Variants in NXPE3 observed in about 807,000 individuals in gnomAD.
The protein encoded by NXPE3 is neurexophilin and PC-esterase domain family member 3.
NXPE3 carries 26 observed loss-of-function variants against 46.1 expected under a neutral mutation model. The observed-to-expected ratio is 0.56, with a 90% CI of 0.41 to 0.78. The LOEUF (loss-of-function observed/expected upper bound fraction) is 0.78. Among genes scored for constraint, NXPE3 ranks in the 30% least tolerant of loss-of-function variants. NXPE3 has a pLI of 0.00. For synonymous variants in NXPE3, 272 were observed against 257.9 expected (o/e 1.05, Z -0.52); for missense variants, 620 against 686.0 (o/e 0.90, Z 1.07).
At position 101,801,492 on chromosome 3, in the gene NXPE3, T is replaced by G; in HGVS notation, c.351T>G (p.Phe117Leu). The G allele has an allele frequency of 6.2e-7, 1 of 1,614,152 alleles. No individual in the cohort carries two copies. Residue 117 changes from phenylalanine to leucine, a missense_variant, in exon 5 of 8, where the codon TTT becomes TTG. This residue lies in a region of NXPE3 where 511 missense variants were observed against 528.6 expected (regional missense o/e 0.97). Coordinates refer to ENST00000273347, the MANE Select transcript of NXPE3 (RefSeq NM_145037.4). ...YFVILNSAAF[F>L]KVGSQLEVLV... is the part of the protein sequence containing the mutation. ...TCATCTTGAACTCTGCTGCCTTCTT[T>G]AAGGTGGGAAGCCAGCTTGAGGTGC...
Position 101,822,122 on chromosome 3 carries a change from A to G in NXPE3, c.*168A>G, listed in dbSNP as rs781045916. 4 of 612,446 alleles carry G rather than the reference A, an allele frequency of 6.5e-6. No individual in the cohort carries two copies. The Admixed American group carries it at 8.9e-5, about 14-fold the overall frequency. The allele number at this position is 612,446 out of a possible 1,614,324, so 37.9% of individuals were successfully genotyped here. On this transcript the variant is annotated 3_prime_UTR_variant, in exon 8 of 8. Coordinates refer to ENST00000273347, the MANE Select transcript of NXPE3 (RefSeq NM_145037.4). ...AAGGAGCTTAGAAAATGCAGGTTAC[A>G]TTTATATCTACCTATAGGATTTTAT... is the stretch of plus-strand genomic sequence containing the variant.
At chr3:101,820,574 A>C (rs1343129460) in intron 7 of NXPE3, among the ~76,000 whole-genome samples, 1 of 152,216 alleles carries the variant, frequency 6.6e-6, no homozygotes, top group African/African-American at 2.4e-5. Flanking sequence ...GACACATGCA[A>C]GGAAATGTTC....
chr3:101,810,721 G>A (rs560115196), intron 6 of NXPE3, among the ~76,000 whole-genome samples: 4 of 152,230 alleles, frequency 2.6e-5, no homozygotes, highest in African/African-American at 9.6e-5. Flanking sequence ...CTAGTAGCTG[G>A]AGAGCATCTC....
chr3:101,807,561 C>A (rs1024461393), intron 6 of NXPE3, among the ~76,000 whole-genome samples: 2 of 151,892 alleles, frequency 1.3e-5, no homozygotes, highest in Non-Finnish European at 2.9e-5. Context: ...TGAGCTCAAG[C>A]AATCCTCCCA....
chr3:101,818,738 TATATATATA>T (rs1942090272), intron 7 of NXPE3, among the ~76,000 whole-genome samples: 2 of 32,710 alleles, frequency 6.1e-5, no homozygotes, highest in African/African-American at 2.2e-4. Flanking sequence ...TATATATATA[TATATATATA>T]TATATATTTT....
intron 4 of NXPE3, among the ~76,000 whole-genome samples, chr3:101,789,523 G>GC (rs1195715656): frequency 2.6e-5 from 4 of 152,050 alleles, no homozygotes; most frequent in Non-Finnish European, 5.9e-5. Flanking sequence ...TTCAGCTTGG[G>GC]CAGCAGGGTG....
At chr3:101,783,226 TA>T (rs1289055478) in intron 3 of NXPE3, among the ~76,000 whole-genome samples, 1 of 152,114 alleles carries the variant, frequency 6.6e-6, no homozygotes, top group East Asian at 1.9e-4. Context: ...CACGCCCAGC[TA>T]ATTTGTTGTA....
intron 6 of NXPE3, among the ~76,000 whole-genome samples, chr3:101,812,207 T>C (rs1029845196): frequency 6.6e-6 from 1 of 152,232 alleles, no homozygotes; most frequent in Non-Finnish European, 1.5e-5. Flanking sequence ...AAAGCTATTT[T>C]ATTTTTAAAA....
chr3:101,792,049 C>G (rs558161560), intron 4 of NXPE3, among the ~76,000 whole-genome samples: 42 of 151,712 alleles, frequency 2.8e-4, no homozygotes, highest in African/African-American at 9.7e-4. Context: ...ATATTGAGCT[C>G]TTTGGCCGCA....
intron 3 of NXPE3, 98 bp from the exon 4 acceptor site, chr3:101,785,304 T>G: frequency 3.7e-6 from 1 of 266,692 alleles, no homozygotes; most frequent in East Asian, 7.7e-5. Flanking sequence ...ACTTTGGGCC[T>G]TAGATAAGGT....
In NXPE3 at chr3:101,801,759, C is replaced by A. The variant is rs761013796; in HGVS notation, c.618C>A (p.Asp206Glu). The A allele has an allele frequency of 6.2e-7, 1 of 1,614,190 alleles. No homozygotes were observed. Among genetic ancestry groups the A allele is most frequent in the Admixed American group, 1.7e-5 (1 of 60,020 alleles). ...VLQRLQEDKPDRVYFKSLFRS... is the reference protein window; with the variant it reads ...VLQRLQEDKPERVYFKSLFRS... ...AGCGCTTACAGGAAGATAAACCAGA[C>A]AGGGTCTATTTCAAGAGTCTCTTCC... Residue 206 changes from aspartate to glutamate, a missense_variant, in exon 5 of 8, where the codon GAC becomes GAA. Physicochemically the swap from Asp to Glu is conservative, Grantham distance 45. Coordinates refer to ENST00000273347, the MANE Select transcript of NXPE3 (RefSeq NM_145037.4).
Position 101,821,982 on chromosome 3 carries a change from A to G in NXPE3, c.*28A>G. On this transcript the variant is annotated 3_prime_UTR_variant, in exon 8 of 8. Coordinates refer to ENST00000273347, the MANE Select transcript of NXPE3 (RefSeq NM_145037.4). Reference sequence around the variant, plus strand: ...TGTCTTGGAAGGGACTGGAGGAATCATATTCAATGACCTTCTCAATTGACC... The same window carrying G: ...TGTCTTGGAAGGGACTGGAGGAATCGTATTCAATGACCTTCTCAATTGACC... 3 of 1,591,266 alleles carry G rather than the reference A, an allele frequency of 1.9e-6. No homozygotes were observed. The highest frequency in any genetic ancestry group is 2.6e-6 in the Non-Finnish European group (3 of 1,163,510).
chr3:101,785,816 G>C (rs1940142099), intron 4 of NXPE3, 127 bp downstream of exon 4: 1 of 747,940 alleles, frequency 1.3e-6, no homozygotes, highest in Admixed American at 2.0e-5. Flanking sequence ...CATTTATTCG[G>C]TAAGTATTTG....
intron 5 of NXPE3, among the ~76,000 whole-genome samples, chr3:101,803,401 A>G (rs1941260906): frequency 6.6e-6 from 1 of 152,376 alleles, no homozygotes; most frequent in East Asian, 1.9e-4. Context: ...TGTTTACTGT[A>G]CTGCTGAGAA....
chr3:101,796,932 T>G (rs1352289683), intron 4 of NXPE3, among the ~76,000 whole-genome samples: 1 of 152,214 alleles, frequency 6.6e-6, no homozygotes, highest in African/African-American at 2.4e-5. Flanking sequence ...CTATAGCTAT[T>G]GAGGAGAGAG....
intron 6 of NXPE3, among the ~76,000 whole-genome samples, chr3:101,811,370 T>A (rs902567373): frequency 6.6e-6 from 1 of 152,216 alleles, no homozygotes; most frequent in African/African-American, 2.4e-5. Context: ...ACATATAGGA[T>A]GTTTCCAGGA....
At chr3:101,796,504 AG>A (rs1483688687) in intron 4 of NXPE3, among the ~76,000 whole-genome samples, 1 of 152,202 alleles carries the variant, frequency 6.6e-6, no homozygotes, top group African/African-American at 2.4e-5. Context: ...AGAAAGGAAA[AG>A]GTTAGGAAGA....
At chr3:101,803,310 C>T (rs1002556201) in intron 5 of NXPE3, among the ~76,000 whole-genome samples, 2 of 152,100 alleles carry the variant, frequency 1.3e-5, no homozygotes, top group Non-Finnish European at 2.9e-5. Context: ...AGCTTTTGGT[C>T]ATACCAGATT....
chr3:101,783,930 A>G (rs1939988682), intron 3 of NXPE3, among the ~76,000 whole-genome samples: 1 of 152,186 alleles, frequency 6.6e-6, no homozygotes, highest in Non-Finnish European at 1.5e-5. Flanking sequence ...GGTGTCAGGA[A>G]ATGGAGAAGC....
Sources: allele counts gnomAD v4.1 joint callset (sites outside exome capture counted in the v4.1 genomes callset), GRCh38; gene constraint gnomAD v4.1.1; regional missense constraint gnomAD v4.1.1; transcripts MANE v1.5; gene names NCBI Gene and HGNC (gene_info 2026-07-23, HGNC 2026-07-21).